MUCL3: variants seen among roughly 807,000 people sequenced by gnomAD.
MUCL3 encodes mucin-like protein 3.
A neutral mutation model predicts 70.2 loss-of-function variants in MUCL3; 42 were observed. The ratio of observed to expected loss-of-function variants is 0.60; its 90% confidence interval spans 0.47 to 0.77. The LOEUF (loss-of-function observed/expected upper bound fraction) is 0.77. Ranked by LOEUF, MUCL3 falls within the 30% of genes least tolerant of loss-of-function variation. MUCL3 has a pLI of 0.00. For synonymous variants in MUCL3, 522 were observed against 647.0 expected (o/e 0.81, Z 2.93); for missense variants, 1,429 against 1,670.0 (o/e 0.86, Z 2.52).
In MUCL3 at chr6:30,948,955, G is replaced by A. The variant is rs1364244125; in HGVS notation, c.491G>A (p.Ser164Asn). 1.9e-6 allele frequency: 3 copies of A among 1,551,256 alleles called. No individual in the cohort carries two copies. The highest frequency in any genetic ancestry group is 1.4e-5 in the African/African-American group (1 of 73,080). The change falls in exon 2 of 3, where the codon AGC becomes AAC. Residue 164 changes from serine (S) to asparagine (N), a missense_variant. Physicochemically the swap from Ser to Asn is conservative, Grantham distance 46 (BLOSUM62 1). Coordinates refer to ENST00000462446, the MANE Select transcript of MUCL3 (RefSeq NM_080870.4). The part of the protein sequence containing the change: ...GKKHITPAPK[S>N]KINCRKSTTG... ...AAACATATAACGCCAGCACCCAAGA[G>A]CAAAATAAACTGTCGTAAGTCCACA...
chr6:30,951,996 G>T lies in MUCL3; in HGVS notation c.3532G>T (p.Glu1178Ter). Residue 1178 changes from glutamate (E) to a stop codon, truncating the protein, a stop_gained, in exon 2 of 3, where the codon GAG (glutamate) becomes TAG (stop). Coordinates refer to ENST00000462446, the MANE Select transcript of MUCL3 (RefSeq NM_080870.4). LOFTEE classifies it high-confidence loss of function. The stretch of plus-strand genomic sequence containing the variant: ...CCCAGAAAAGACCACGTCAACCACA[G>T]AGAAAACCACAAGAACCCCAGAAAA... The part of the protein sequence containing the change: ...EHPEKTTSTT[E>*]KTTRTPEKPT... The T allele has an allele frequency of 6.2e-7, 1 of 1,612,344 alleles. No individual in the cohort carries two copies.
In MUCL3 at chr6:30,944,199, CCCTTT is replaced by C. The variant is rs1038582495; in HGVS notation, c.82+3131_82+3135del. Among the ~76,000 whole-genome samples, 22 of 152,068 alleles carry C rather than the reference CCCTTT, an allele frequency of 1.4e-4. 1 individual carries two copies. The highest frequency in any genetic ancestry group is 3.1e-4 in the African/African-American group (13 of 41,504). ...GATATTCTTTCTCCCTTCCTTCCTTCCCTTTCCTTTCCTTTCCCTTCCTTCCTTCC... is the reference window on the plus strand; with the variant it reads ...GATATTCTTTCTCCCTTCCTTCCTTCCCTTTCCTTTCCCTTCCTTCCTTCC... On this transcript the variant is annotated intron_variant, in intron 1 of 2. Coordinates refer to ENST00000462446, the MANE Select transcript of MUCL3 (RefSeq NM_080870.4).
intron 1 of MUCL3, among the ~76,000 whole-genome samples, chr6:30,948,012 G>T (rs1482634731): frequency 6.6e-6 from 1 of 152,182 alleles, no homozygotes; most frequent in African/African-American, 2.4e-5. Context: ...GAAAGGTGAA[G>T]AGTCTAACGT....
At position 30,953,313 on chromosome 6, in the gene MUCL3, A is replaced by G. The variant is rs1760810303; in HGVS notation, c.*196A>G. 1 of 713,526 alleles carries G rather than the reference A, an allele frequency of 1.4e-6. No individual in the cohort carries two copies. Among genetic ancestry groups the G allele is most frequent in the Non-Finnish European group, 2.3e-6 (1 of 442,900 alleles). The allele number at this position is 713,526 out of a possible 1,614,324, so 44.2% of individuals were successfully genotyped here. A position where few individuals can be genotyped will look rare whatever the true frequency, so the allele number is the denominator to read the frequency against. On this transcript the variant is annotated 3_prime_UTR_variant, in exon 3 of 3. Transcript: ENST00000462446. ...AGCAAGGAGGGTGTAAGTTTAGGGG[A>G]CAAAGAAGAAAGAATGAATAATACG...
chr6:30,951,832 CAG>C lies in MUCL3; in HGVS notation c.3371_3372del (p.Glu1124ValfsTer5), dbSNP rs1310833822. 1 of 1,586,490 alleles carries C rather than the reference CAG, an allele frequency of 6.3e-7. No individual in the cohort carries two copies. Among genetic ancestry groups the C allele is most frequent in the Admixed American group, 1.8e-5 (1 of 54,094 alleles). ...AATGACAAGATCACCTCATCTGCAG[CAG>C]AGTCTACAGAACATAGAGATAGGGC... On this transcript the variant is annotated frameshift_variant, in exon 2 of 3. Coordinates refer to ENST00000462446, the MANE Select transcript of MUCL3 (RefSeq NM_080870.4). LOFTEE classifies it high-confidence loss of function.
intron 1 of MUCL3, among the ~76,000 whole-genome samples, chr6:30,944,146 C>T (rs763122883): frequency 3.3e-5 from 5 of 152,216 alleles, no homozygotes; most frequent in Non-Finnish European, 4.4e-5. Context: ...GCCCTGACAG[C>T]GACTCCAAGG....
intron 1 of MUCL3, among the ~76,000 whole-genome samples, chr6:30,941,922 G>A (rs1466553868): frequency 6.6e-6 from 1 of 152,152 alleles, no homozygotes; most frequent in African/African-American, 2.4e-5. Flanking sequence ...GGGGACAGGT[G>A]GAGCTTCTCT....
At position 30,949,756 on chromosome 6, in the gene MUCL3, A is replaced by T; in HGVS notation, c.1292A>T (p.Asn431Ile). ...CATGGAGAAAGGACCCCACTGGCCA[A>T]CGAGAACACCACACCATCCCCAGCA... is the stretch of plus-strand genomic sequence containing the variant. ...TEHGERTPLA[N>I]ENTTPSPAEP... Residue 431 changes from asparagine to isoleucine, a missense_variant, in exon 2 of 3, where the codon AAC becomes ATC. Physicochemically the swap from Asn to Ile is moderately radical, Grantham distance 149 (BLOSUM62 -3). Transcript: ENST00000462446. 1 of 1,549,974 alleles carries T rather than the reference A, an allele frequency of 6.5e-7. No homozygotes were observed.
In MUCL3 at chr6:30,949,779, G is replaced by A. The variant is rs1479998335; in HGVS notation, c.1315G>A (p.Ala439Thr). 12 of 1,549,490 alleles carry A rather than the reference G, an allele frequency of 7.7e-6. No homozygotes were observed. Among genetic ancestry groups the A allele is most frequent in the Non-Finnish European group, 8.7e-6 (10 of 1,146,540 alleles). Residue 439 changes from alanine (A) to threonine (T), a missense_variant, in exon 2 of 3, where the codon GCA becomes ACA. Transcript: ENST00000462446. Reference protein sequence around the residue: ...LANENTTPSPAEPTENRERTA... With the variant: ...LANENTTPSPTEPTENRERTA... ...CAACGAGAACACCACACCATCCCCAGCAGAGCCTACAGAAAATAGAGAAAG... is the reference window on the plus strand; with the variant it reads ...CAACGAGAACACCACACCATCCCCAACAGAGCCTACAGAAAATAGAGAAAG...
Position 30,950,005 on chromosome 6 carries a change from C to T in MUCL3, c.1541C>T (p.Ser514Leu). ...RTPFANEKTTSSSAEPTEHGE... is the reference protein window; with the variant it reads ...RTPFANEKTTLSSAEPTEHGE... ...CCATTTGCCAATGAGAAAACCACAT[C>T]ATCCTCAGCAGAGCCTACAGAACAC... Residue 514 changes from serine (S) to leucine (L), a missense_variant, in exon 2 of 3, where the codon TCA becomes TTA. By Grantham distance (145) the Ser-to-Leu change is moderately radical. Transcript: ENST00000462446. The T allele has an allele frequency of 6.5e-7, 1 of 1,550,298 alleles. No homozygotes were observed. Among genetic ancestry groups the T allele is most frequent in the Admixed American group, 2.0e-5 (1 of 50,840 alleles).
chr6:30,947,382 C>T (rs1795822009), intron 1 of MUCL3, among the ~76,000 whole-genome samples: 1 of 152,096 alleles, frequency 6.6e-6, no homozygotes, highest in African/African-American at 2.4e-5. Flanking sequence ...GCCGATTCTG[C>T]CCATCAGCAG....
Position 30,941,042 on chromosome 6 carries a change from C to T in MUCL3, c.43C>T (p.Gln15Ter). The change falls in exon 1 of 3, where the codon CAG (glutamine) becomes TAG (stop). Residue 15 changes from glutamine (Q) to a stop codon, truncating the protein, a stop_gained. Coordinates refer to ENST00000462446, the MANE Select transcript of MUCL3 (RefSeq NM_080870.4). LOFTEE classifies it high-confidence loss of function. ...CAGCCTCTGCTCCGCCTTTGGCCTC[C>T]AGTGCTGCCTCCTCTTCCTTCTAGC... is the stretch of plus-strand genomic sequence containing the variant. ...VHSLCSAFGL[Q>*]CCLLFLLASW... The T allele has an allele frequency of 6.4e-7, 1 of 1,550,764 alleles. No homozygotes were observed.
rs1012354004 is a variant in MUCL3 at position 30,953,921 on chromosome 6, T to A, written c.*804T>A. 1 of 152,290 alleles carries A rather than the reference T, an allele frequency of 6.6e-6. No homozygotes were observed. The highest frequency in any genetic ancestry group is 1.5e-5 in the Non-Finnish European group (1 of 68,040). The allele number at this position is 152,290 out of a possible 1,614,324, so 9.4% of individuals were successfully genotyped here. A position where few individuals can be genotyped will look rare whatever the true frequency, so the allele number is the denominator to read the frequency against. On this transcript the variant is annotated 3_prime_UTR_variant, in exon 3 of 3. Transcript: ENST00000462446. ...ATCTCCACCCCAGACCTTCCCTGAT[T>A]GGTGTCTCAGCATTTATTTTCCTGT...
rs370670795 is a variant in MUCL3, at chr6:30,950,877, G to T, written c.2413G>T (p.Ala805Ser). The T allele has an allele frequency of 1.5e-5, 24 of 1,548,400 alleles. No homozygotes were observed. The highest frequency in any genetic ancestry group is 4.2e-5 in the African/African-American group (3 of 71,576). The change falls in exon 2 of 3, where the codon GCA becomes TCA. Residue 805 changes from alanine (A) to serine (S), a missense_variant. Ala to Ser is a moderately conservative substitution (Grantham distance 99, BLOSUM62 1). Coordinates refer to ENST00000462446, the MANE Select transcript of MUCL3 (RefSeq NM_080870.4). Reference protein sequence around the residue: ...TSSSAEPTEHAERTPLANENT... With the variant: ...TSSSAEPTEHSERTPLANENT... ...ATCCTCAGCAGAGCCTACAGAACAC[G>T]CAGAAAGGACTCCACTGGCCAATGA...
chr6:30,941,178 AC>A (rs147677405), intron 1 of MUCL3, 97 bp downstream of exon 1: 41,397 of 1,415,776 alleles, frequency 0.029, 1,760 homozygotes, highest in South Asian at 0.16. Context: ...GGGGGCGGGC[AC>A]GGGGCTGCTA....
At chr6:30,942,434 AG>A (rs1192825666) in intron 1 of MUCL3, among the ~76,000 whole-genome samples, 27 of 152,298 alleles carry the variant, frequency 1.8e-4, no homozygotes, top group Non-Finnish European at 3.2e-4. Flanking sequence ...CAGTCATCCA[AG>A]GACAGAGCCA....
At position 30,948,936 on chromosome 6, in the gene MUCL3, A is replaced by G. The variant is rs1302344297; in HGVS notation, c.472A>G (p.Ile158Val). The change falls in exon 2 of 3, where the codon ATA becomes GTA. Residue 158 changes from isoleucine (I) to valine (V), a missense_variant. Ile to Val is a conservative substitution (Grantham distance 29). Coordinates refer to ENST00000462446, the MANE Select transcript of MUCL3 (RefSeq NM_080870.4). ...TAAAGAATCCGCTGGAAAAAAACAT[A>G]TAACGCCAGCACCCAAGAGCAAAAT... ...THKESAGKKH[I>V]TPAPKSKINC... 5.2e-6 allele frequency: 8 copies of G among 1,550,822 alleles called. No individual in the cohort carries two copies. The South Asian group carries it at 8.3e-5, about 16-fold the overall frequency.
chr6:30,952,360 A>G lies in MUCL3; in HGVS notation c.3896A>G (p.Tyr1299Cys). ...GCCACAGGAAACGAGAGCCATCCAT[A>G]CCTCAATAAAGATGGCTCACAGAAA... The part of the protein sequence containing the change: ...SEATGNESHP[Y>C]LNKDGSQKGI... The change falls in exon 2 of 3, where the codon TAC (tyrosine) becomes TGC (cysteine). Residue 1299 changes from tyrosine (Y) to cysteine (C), a missense_variant. Tyr to Cys is a radical substitution (Grantham distance 194). Transcript: ENST00000462446. 6.2e-7 allele frequency: 1 copy of G among 1,614,226 alleles called. No individual in the cohort carries two copies.
At position 30,951,308 on chromosome 6, in the gene MUCL3, G is replaced by C; in HGVS notation, c.2844G>C (p.Arg948Ser). Residue 948 changes from arginine (R) to serine (S), a missense_variant, in exon 2 of 3, where the codon AGG (arginine) becomes AGC (serine). Physicochemically the swap from Arg to Ser is moderately radical, Grantham distance 110 (BLOSUM62 -1). Coordinates refer to ENST00000462446, the MANE Select transcript of MUCL3 (RefSeq NM_080870.4). ...CAGAGCCTACAGAACATGGAGAAAGGATAGCCAATGAGAAGGCCACACCAT... is the reference window on the plus strand; with the variant it reads ...CAGAGCCTACAGAACATGGAGAAAGCATAGCCAATGAGAAGGCCACACCAT... ...SRAEPTEHGE[R>S]IANEKATPSP... 6.5e-7 allele frequency: 1 copy of C among 1,547,334 alleles called. No individual in the cohort carries two copies. The highest frequency in any genetic ancestry group is 8.7e-7 in the Non-Finnish European group (1 of 1,146,052).
Sources: gnomAD v4.1 joint callset for allele counts (sites outside exome capture counted in the v4.1 genomes callset) on GRCh38, gnomAD v4.1.1 for gene constraint, MANE v1.5 for transcripts, NCBI Gene and HGNC (gene_info 2026-07-23, HGNC 2026-07-21) for gene names.